EHMT1: variants seen among roughly 807,000 people sequenced by gnomAD.
EHMT1 encodes the protein euchromatic histone lysine methyltransferase 1.
In EHMT1, 15 loss-of-function variants were observed where a neutral mutation model predicts 147.2. The observed-to-expected ratio is 0.10, with a 90% CI of 0.07 to 0.16. EHMT1 has a LOEUF of 0.16. EHMT1 is among the 10% of genes least tolerant of loss of function. EHMT1 has a pLI of 1.00. For synonymous variants in EHMT1, 795 were observed against 709.6 expected, an observed-to-expected ratio of 1.12 and a Z score of -1.91; for missense variants, 1,587 against 1,772.4, an observed-to-expected ratio of 0.90 and a Z score of 1.88.
At chr9:137,745,642 C>T (rs535776410) in intron 6 of EHMT1, 18 of 398,080 alleles carry the variant, frequency 4.5e-5, no homozygotes, top group East Asian at 2.9e-4. Context: ...CAGCAGCTGC[C>T]GCGGTCTCTG....
In EHMT1 at chr9:137,694,588, A is replaced by G. The variant is rs200343760; in HGVS notation, c.22-16379A>G. On this transcript the variant is annotated intron_variant, in intron 1 of 26. Coordinates refer to ENST00000460843, the MANE Select transcript of EHMT1 (RefSeq NM_024757.5). ...GAATTTTCATCTTAATTTGCTCCAT[A>G]TTAAACTCAGGGAAGGAGTAGATGT... 5.3e-5 allele frequency among the ~76,000 whole-genome samples: 8 copies of G among 152,254 alleles called. No individual in the cohort carries two copies. In the South Asian group the frequency reaches 8.3e-4, roughly 16 times the overall value.
chr9:137,707,235 G>A (rs1382153617), intron 1 of EHMT1, among the ~76,000 whole-genome samples: 1 of 152,246 alleles, frequency 6.6e-6, no homozygotes, highest in African/African-American at 2.4e-5. Context: ...GGGGGGGCTG[G>A]TCTCCGAAGC....
intron 25 of EHMT1, among the ~76,000 whole-genome samples, chr9:137,825,052 T>G (rs549689054): frequency 4.5e-4 from 69 of 152,328 alleles, no homozygotes; most frequent in African/African-American, 1.6e-3. Context: ...TTGTAAATGC[T>G]CCCTGGGTTG....
chr9:137,756,230 G>T (rs1160712084), intron 8 of EHMT1, among the ~76,000 whole-genome samples: 3 of 152,204 alleles, frequency 2.0e-5, no homozygotes, highest in African/African-American at 7.2e-5. Flanking sequence ...TGTGGCGCAG[G>T]CCCCTTCTTG....
intron 3 of EHMT1, among the ~76,000 whole-genome samples, chr9:137,721,016 TCCTCGCCAGC>T (rs1945902423): frequency 1.3e-5 from 1 of 77,478 alleles, no homozygotes; most frequent in Admixed American, 2.1e-4. Context: ...CTCGCCGGCG[TCCTCGCCAGC>T]GTTAGCTCTT....
chr9:137,660,666 A>G (rs1377793053), intron 1 of EHMT1, among the ~76,000 whole-genome samples: 3 of 152,208 alleles, frequency 2.0e-5, no homozygotes, highest in Non-Finnish European at 4.4e-5. Context: ...TCTTCACAAT[A>G]TATCTGACTA....
chr9:137,737,689 C>T (rs758515474), intron 4 of EHMT1, among the ~76,000 whole-genome samples: 5 of 152,154 alleles, frequency 3.3e-5, no homozygotes, highest in Admixed American at 1.3e-4. Flanking sequence ...TCTTTTGATG[C>T]ACAAAGCTTT....
intron 10 of EHMT1, among the ~76,000 whole-genome samples, chr9:137,766,898 G>A (rs1303988336): frequency 6.6e-6 from 1 of 151,948 alleles, no homozygotes; most frequent in Non-Finnish European, 1.5e-5. Flanking sequence ...TCTCATTGCA[G>A]CCTCCACCTT....
At chr9:137,784,497 T>G in intron 15 of EHMT1, 1 of 959,084 alleles carries the variant, frequency 1.0e-6, no homozygotes, top group Non-Finnish European at 1.3e-6. Flanking sequence ...GTTACAGACT[T>G]TCCACTTTTT....
intron 1 of EHMT1, among the ~76,000 whole-genome samples, chr9:137,710,229 T>C (rs1180847580): frequency 6.6e-6 from 1 of 151,648 alleles, no homozygotes; most frequent in Non-Finnish European, 1.5e-5. Context: ...CCCAGCACTT[T>C]GGGAGGCTGA....
intron 4 of EHMT1, among the ~76,000 whole-genome samples, chr9:137,740,316 C>T (rs1347095066): frequency 2.0e-5 from 3 of 152,144 alleles, no homozygotes; most frequent in African/African-American, 7.2e-5. Context: ...CTGAAGCCCC[C>T]CCCTCGCCCC....
chr9:137,719,229 C>A (rs575566460), intron 3 of EHMT1, among the ~76,000 whole-genome samples: 1 of 152,172 alleles, frequency 6.6e-6, no homozygotes, highest in Non-Finnish European at 1.5e-5. Flanking sequence ...TTAGCTTTTT[C>A]CCCCACCAGG....
chr9:137,757,965 C>T lies in EHMT1; in HGVS notation c.1455C>T (p.Asp485=), dbSNP rs751908212. ...CAGGGTACATGGAAGTTTCTCTGGA[C>T]TCCCTGGATCTCCGAGTCAAAGGAA... ...DSTGYMEVSL[D]SLDLRVKGIL... Residue 485 remains aspartate, a synonymous_variant, in exon 9 of 27, where the codon GAC becomes GAT. Transcript: ENST00000460843. 1.1e-5 allele frequency: 18 copies of T among 1,614,112 alleles called. No homozygotes were observed. The highest frequency in any genetic ancestry group is 1.5e-5 in the Non-Finnish European group (18 of 1,180,012).
intron 1 of EHMT1, chr9:137,650,832 A>G (rs1937725305): frequency 1.3e-5 from 2 of 151,954 alleles, no homozygotes; most frequent in African/African-American, 2.4e-5. Flanking sequence ...ACACCTGGCT[A>G]ATTTTTGTTT....
At chr9:137,629,846 G>C (rs916384235) in intron 1 of EHMT1, among the ~76,000 whole-genome samples, 1 of 152,154 alleles carries the variant, frequency 6.6e-6, no homozygotes, top group African/African-American at 2.4e-5. Context: ...AGTTATTAGA[G>C]CCCAGTTAAT....
chr9:137,700,249 A>G (rs1338604844), intron 1 of EHMT1, among the ~76,000 whole-genome samples: 1 of 152,158 alleles, frequency 6.6e-6, no homozygotes, highest in Non-Finnish European at 1.5e-5. Context: ...GTCTCATGTC[A>G]TGACAGCCTG....
In EHMT1 at chr9:137,800,971, A is replaced by G; in HGVS notation, c.2699A>G (p.Asn900Ser). ...KLLLSKGSDI[N>S]IRDNEENICL... is the part of the protein sequence containing the mutation. ...CTGCTGTCCAAGGGCTCTGACATCA[A>G]CATCCGAGACAACGTAAGTTCGTCA... The change falls in exon 18 of 27, where the codon AAC becomes AGC. Residue 900 changes from asparagine (N) to serine (S), a missense_variant. Asn to Ser is a conservative substitution (Grantham distance 46, BLOSUM62 1). This residue lies in a region of EHMT1 where 201 missense variants were observed against 350.1 expected (regional missense o/e 0.57). Transcript: ENST00000460843. The G allele has an allele frequency of 3.1e-6, 5 of 1,614,168 alleles. No homozygotes were observed. The highest frequency in any genetic ancestry group is 4.2e-6 in the Non-Finnish European group (5 of 1,180,026).
At chr9:137,663,741 G>A (rs1052215652) in intron 1 of EHMT1, among the ~76,000 whole-genome samples, 5 of 152,086 alleles carry the variant, frequency 3.3e-5, no homozygotes, top group Non-Finnish European at 5.9e-5. Context: ...CCTCTGCAAG[G>A]GCTTTTGGAT....
chr9:137,682,235 A>T (rs1342134242), intron 1 of EHMT1, among the ~76,000 whole-genome samples: 1 of 152,102 alleles, frequency 6.6e-6, no homozygotes, highest in African/African-American at 2.4e-5. Flanking sequence ...AGCGTGAGCC[A>T]CCGTGTCCGG....
Sources: allele counts gnomAD v4.1 joint callset (sites outside exome capture counted in the v4.1 genomes callset), GRCh38; gene constraint gnomAD v4.1.1; regional missense constraint gnomAD v4.1.1; transcripts MANE v1.5; gene names NCBI Gene and HGNC (gene_info 2026-07-23, HGNC 2026-07-21).